EP300: variants seen among roughly 807,000 people sequenced by gnomAD.
EP300 encodes histone acetyltransferase p300.
Under a neutral mutation model 264.0 loss-of-function variants are expected in EP300, and 31 were observed. That is an observed-to-expected ratio of 0.12 (90% CI 0.09 to 0.16). EP300 has a LOEUF of 0.16. Ranked by LOEUF, EP300 falls within the 10% of genes least tolerant of loss-of-function variation. EP300 has a pLI of 1.00. For synonymous variants in EP300, 1,340 were observed against 1,045.4 expected, an observed-to-expected ratio of 1.28 and a Z score of -5.44; for missense variants, 2,766 against 3,052.9, an observed-to-expected ratio of 0.91 and a Z score of 2.21.
At chr22:41,145,471 T>TGG (rs1384026804) in intron 10 of EP300, among the ~76,000 whole-genome samples, 3 of 152,228 alleles carry the variant, frequency 2.0e-5, no homozygotes, top group Admixed American at 6.5e-5. Flanking sequence ...CAGCCCTTGA[T>TGG]GGAGGGTATG....
At chr22:41,136,408 T>C (rs1344360419) in intron 7 of EP300, among the ~76,000 whole-genome samples, 1 of 152,238 alleles carries the variant, frequency 6.6e-6, no homozygotes, top group Non-Finnish European at 1.5e-5. Context: ...AGTAGGATGT[T>C]GCAAGGTTAC....
chr22:41,109,461 G>A (rs948928734), intron 1 of EP300, among the ~76,000 whole-genome samples: 2 of 152,078 alleles, frequency 1.3e-5, no homozygotes, highest in African/African-American at 4.8e-5. Context: ...GAGAATAAAC[G>A]TGAGGTGCCA....
At chr22:41,172,904 G>C (rs903682465) in intron 28 of EP300, among the ~76,000 whole-genome samples, 2 of 152,252 alleles carry the variant, frequency 1.3e-5, no homozygotes, top group Non-Finnish European at 2.9e-5. Flanking sequence ...AATGATAAAA[G>C]AAACTGAAGG....
chr22:41,157,027 G>A (rs555799297), intron 17 of EP300, 142 bp from the exon 18 acceptor site: 8 of 932,648 alleles, frequency 8.6e-6, no homozygotes, highest in East Asian at 7.9e-5. Flanking sequence ...AGAAGTGATG[G>A]ACATCAGTCA....
intron 4 of EP300, among the ~76,000 whole-genome samples, chr22:41,129,299 C>T (rs888342816): frequency 2.0e-5 from 3 of 152,188 alleles, no homozygotes; most frequent in Non-Finnish European, 4.4e-5. Context: ...GCGTGAGCCA[C>T]CGCGCCCGGC....
intron 20 of EP300, 64 bp from the exon 21 acceptor site, chr22:41,162,659 A>T: frequency 7.6e-7 from 1 of 1,315,142 alleles, no homozygotes; most frequent in Non-Finnish European, 1.1e-6. Context: ...TCCTTTGGTT[A>T]GAACAGCAGT....
chr22:41,157,613 G>A (rs888102155), intron 18 of EP300, among the ~76,000 whole-genome samples: 8 of 150,976 alleles, frequency 5.3e-5, no homozygotes, highest in African/African-American at 1.7e-4. Context: ...AACCTCCTGG[G>A]CTCAAGCAAT....
chr22:41,134,163 CTTTTTTTTTTTTT>C (rs11362436), intron 6 of EP300, among the ~76,000 whole-genome samples: 1 of 105,632 alleles, frequency 9.5e-6, no homozygotes, highest in African/African-American at 3.8e-5. Context: ...TCATTCTTTT[CTTTTTTTTTTTTT>C]TTTTTCTGAT....
Position 41,127,533 on chromosome 22 carries a change from C to T in EP300, c.953C>T (p.Pro318Leu). Residue 318 changes from proline to leucine, a missense_variant, in exon 4 of 31, where the codon CCA (proline) becomes CTA (leucine). Pro to Leu is a moderately conservative substitution (Grantham distance 98). Coordinates refer to ENST00000263253, the MANE Select transcript of EP300 (RefSeq NM_001429.4). ...PQVQQPGLVTPVAQGMGSGAH... is the reference protein window; with the variant it reads ...PQVQQPGLVTLVAQGMGSGAH... ...GTCCAGCAGCCAGGCCTGGTGACTCCAGTTGCCCAAGGGATGGGTTCTGGA... is the reference window on the plus strand; with the variant it reads ...GTCCAGCAGCCAGGCCTGGTGACTCTAGTTGCCCAAGGGATGGGTTCTGGA... 2 of 1,614,210 alleles carry T rather than the reference C, an allele frequency of 1.2e-6. No homozygotes were observed. The highest frequency in any genetic ancestry group is 1.7e-6 in the Non-Finnish European group (2 of 1,180,042).
At chr22:41,163,242 C>T (rs1054213390) in intron 21 of EP300, among the ~76,000 whole-genome samples, 3 of 147,514 alleles carry the variant, frequency 2.0e-5, no homozygotes, top group Non-Finnish European at 4.5e-5. Context: ...GAGACCATCC[C>T]GGCTAAAACG....
Position 41,131,369 on chromosome 22 carries a change from T to C in EP300, c.1283-19T>C. On this transcript the variant is annotated intron_variant, in intron 5 of 30. Coordinates refer to ENST00000263253, the MANE Select transcript of EP300 (RefSeq NM_001429.4). ...TCACCAGCATTAATTTGTAATACTA[T>C]ATCTTTTGTCTTCTCTAGCAATTTT... The C allele has an allele frequency of 2.5e-6, 4 of 1,612,198 alleles. No individual in the cohort carries two copies. Among genetic ancestry groups the C allele is most frequent in the Non-Finnish European group, 3.4e-6 (4 of 1,179,624 alleles).
At chr22:41,141,260 T>C in intron 10 of EP300, 38 bp downstream of exon 10, 1 of 1,589,624 alleles carries the variant, frequency 6.3e-7, no homozygotes, top group Non-Finnish European at 8.6e-7. Flanking sequence ...TGAGAGAAAT[T>C]GATAATAAAA....
At chr22:41,115,933 C>T (rs2058818480) in intron 1 of EP300, among the ~76,000 whole-genome samples, 1 of 152,150 alleles carries the variant, frequency 6.6e-6, no homozygotes, top group Non-Finnish European at 1.5e-5. Flanking sequence ...CTGAGTGTTC[C>T]ACAAATGACA....
rs1355958756 is a variant in EP300 at position 41,178,576 on chromosome 22, G to A, written c.6865G>A (p.Ala2289Thr). 1.9e-6 allele frequency: 3 copies of A among 1,613,824 alleles called. No homozygotes were observed. In the East Asian group the frequency reaches 6.7e-5, roughly 36 times the overall value. ...CCAGCAGCATATGCTCCCAAATCAG[G>A]CCCAGTCCCCACACCTACAAGGCCA... Reference protein sequence around the residue: ...SPQQHMLPNQAQSPHLQGQQI... With the variant: ...SPQQHMLPNQTQSPHLQGQQI... Residue 2289 changes from alanine (A) to threonine (T), a missense_variant, in exon 31 of 31, where the codon GCC (alanine) becomes ACC (threonine). By Grantham distance (58) the Ala-to-Thr change is moderately conservative (BLOSUM62 0). Coordinates refer to ENST00000263253, the MANE Select transcript of EP300 (RefSeq NM_001429.4).
At chr22:41,141,503 C>T (rs1307664901) in intron 10 of EP300, among the ~76,000 whole-genome samples, 2 of 152,132 alleles carry the variant, frequency 1.3e-5, no homozygotes, top group East Asian at 1.9e-4. Flanking sequence ...AAGCAATAGC[C>T]TACATACAGA....
At chr22:41,167,556 A>G (rs1018152507) in intron 23 of EP300, among the ~76,000 whole-genome samples, 6 of 106,936 alleles carry the variant, frequency 5.6e-5, no homozygotes, top group Non-Finnish European at 1.2e-4. Flanking sequence ...CATTGTTTAT[A>G]TATTTGTGTG....
intron 1 of EP300, among the ~76,000 whole-genome samples, chr22:41,096,798 T>A (rs534057018): frequency 1.8e-4 from 28 of 152,100 alleles, no homozygotes; most frequent in African/African-American, 6.5e-4. Context: ...TTGTATTTTT[T>A]AGTGGAGACA....
rs758459646 is a variant in EP300, at chr22:41,178,458, G to C, written c.6747G>C (p.Leu2249Phe). 3 of 1,614,108 alleles carry C rather than the reference G, an allele frequency of 1.9e-6. No individual in the cohort carries two copies. The highest frequency in any genetic ancestry group is 2.5e-6 in the Non-Finnish European group (3 of 1,180,020). Residue 2249 changes from leucine to phenylalanine, a missense_variant, in exon 31 of 31, where the codon TTG (leucine) becomes TTC (phenylalanine). Transcript: ENST00000263253. ...AGATAGGCCAGCTTCCCCAGGCCTTGGGAGCAGAGGCAGGTGCCAGTCTAC... is the reference window on the plus strand; with the variant it reads ...AGATAGGCCAGCTTCCCCAGGCCTTCGGAGCAGAGGCAGGTGCCAGTCTAC... ...MGQIGQLPQA[L>F]GAEAGASLQA...
In EP300 at chr22:41,150,332, A is replaced by T. The variant is rs1288662146; in HGVS notation, c.2817+134A>T. ...ACAAGTAGAATGTAATCTATTTTTC[A>T]TTAGGGACTTTTGTATCCTGTTTTG... is the stretch of plus-strand genomic sequence containing the variant. On this transcript the variant is annotated intron_variant, in intron 14 of 30. Coordinates refer to ENST00000263253, the MANE Select transcript of EP300 (RefSeq NM_001429.4). 5.3e-6 allele frequency: 6 copies of T among 1,137,154 alleles called. No homozygotes were observed. The African/African-American group carries it at 9.3e-5, about 18-fold the overall frequency. The allele number at this position is 1,137,154 out of a possible 1,614,324, so 70.4% of individuals were successfully genotyped here. A position where few individuals can be genotyped will look rare whatever the true frequency, so the allele number is the denominator to read the frequency against.
Sources: gnomAD v4.1 joint callset for allele counts (sites outside exome capture counted in the v4.1 genomes callset) on GRCh38, gnomAD v4.1.1 for gene constraint, MANE v1.5 for transcripts, NCBI Gene and HGNC (gene_info 2026-07-23, HGNC 2026-07-21) for gene names.